Variants in WDR72 observed in about 807,000 individuals in gnomAD.
WDR72 encodes the protein WD repeat domain 72.
In WDR72, 120 loss-of-function variants were observed where a neutral mutation model predicts 124.2. The observed-to-expected ratio is 0.97, with a 90% CI of 0.83 to 1.12. The LOEUF (loss-of-function observed/expected upper bound fraction) is 1.12. Among genes scored for constraint, WDR72 ranks in the 50% most tolerant of loss-of-function variants. The pLI, the probability that WDR72 is intolerant of heterozygous loss-of-function variation, is 0.00. For synonymous variants in WDR72, 452 were observed against 441.7 expected (o/e 1.02, Z -0.29); for missense variants, 1,387 against 1,278.8 (o/e 1.08, Z -1.29).
chr15:53,531,735 A>C (rs1272800308), intron 18 of WDR72, among the ~76,000 whole-genome samples: 1 of 151,720 alleles, frequency 6.6e-6, no homozygotes, highest in East Asian at 2.0e-4. Flanking sequence ...TAGGTTCCAT[A>C]CAAAAGAGAT....
chr15:53,648,015 T>C (rs512563), intron 14 of WDR72, among the ~76,000 whole-genome samples: 52,186 of 151,814 alleles, frequency 0.34, 9,856 homozygotes, highest in East Asian at 0.53. Flanking sequence ...TTATACTTTC[T>C]CTGGAAACTA....
At chr15:53,612,821 G>C (rs1223302733) in intron 16 of WDR72, among the ~76,000 whole-genome samples, 1 of 151,948 alleles carries the variant, frequency 6.6e-6, no homozygotes, top group Non-Finnish European at 1.5e-5. Context: ...GAGTGCAGGA[G>C]TCAAGAATAG....
At chr15:53,691,600 T>C (rs867175637) in intron 13 of WDR72, among the ~76,000 whole-genome samples, 1 of 137,376 alleles carries the variant, frequency 7.3e-6, no homozygotes, top group African/African-American at 2.8e-5. Context: ...TGTAAAATGA[T>C]AGACAGACAG....
intron 18 of WDR72, among the ~76,000 whole-genome samples, chr15:53,557,681 C>T (rs1893981836): frequency 6.6e-6 from 1 of 151,862 alleles, no homozygotes; most frequent in South Asian, 2.1e-4. Context: ...AAGTGACCAC[C>T]GACCATCCTG....
intron 18 of WDR72, among the ~76,000 whole-genome samples, chr15:53,533,592 C>A (rs984232287): frequency 6.6e-6 from 1 of 152,198 alleles, no homozygotes; most frequent in South Asian, 2.1e-4. Context: ...ATTTCACAGC[C>A]TTTTGCAATA....
At chr15:53,548,577 A>G (rs981875019) in intron 18 of WDR72, among the ~76,000 whole-genome samples, 1 of 152,222 alleles carries the variant, frequency 6.6e-6, no homozygotes, top group African/African-American at 2.4e-5. Flanking sequence ...GTGAGGTTAA[A>G]AAGTAAAAGC....
At chr15:53,726,264 G>GTATATATATA (rs34367324) in intron 2 of WDR72, among the ~76,000 whole-genome samples, 13 of 110,358 alleles carry the variant, frequency 1.2e-4, no homozygotes, top group African/African-American at 3.6e-4. Context: ...ATGTATGTGT[G>GTATATATATA]TATATATATA....
rs146872406 is a variant in WDR72, at chr15:53,568,853, C to A, written c.3148+28226G>T. ...TAAACATACATTATAAGTATATATACCTTGAACACATCATTGATACATACA... is the reference window on the plus strand; with the variant it reads ...TAAACATACATTATAAGTATATATAACTTGAACACATCATTGATACATACA... On this transcript the variant is annotated intron_variant, in intron 18 of 19. Transcript: ENST00000360509. 5.9e-4 allele frequency among the ~76,000 whole-genome samples: 89 copies of A among 151,996 alleles called. No individual in the cohort carries two copies. In the East Asian group the frequency reaches 0.016, roughly 27 times the overall value.
chr15:53,517,711 G>A lies in WDR72; in HGVS notation c.3297C>T (p.Cys1099=), dbSNP rs141490508. 1.9e-6 allele frequency: 3 copies of A among 1,612,788 alleles called. No homozygotes were observed. Among genetic ancestry groups the A allele is most frequent in the Non-Finnish European group, 2.5e-6 (3 of 1,179,196 alleles). ...HHSWIAKVCP[C]KVS ...GATGAGATTCCATTTAAGACACCTT[G>A]CAGGGGCAGACCTTTGCTATCCATG... Residue 1099 remains cysteine, a synonymous_variant, in exon 20 of 20, where the codon TGC becomes TGT. Transcript: ENST00000360509.
intron 18 of WDR72, among the ~76,000 whole-genome samples, chr15:53,571,885 T>C (rs1894541994): frequency 6.6e-6 from 1 of 152,140 alleles, no homozygotes; most frequent in Admixed American, 6.6e-5. Flanking sequence ...CCAACACTTA[T>C]CTTTCATCTT....
intron 18 of WDR72, among the ~76,000 whole-genome samples, chr15:53,562,207 C>T (rs536593324): frequency 6.6e-6 from 1 of 151,814 alleles, no homozygotes; most frequent in African/African-American, 2.4e-5. Flanking sequence ...GAACTTAAAA[C>T]CAGTTATTTT....
chr15:53,753,890 C>T (rs1161672150), intron 1 of WDR72, among the ~76,000 whole-genome samples: 1 of 152,138 alleles, frequency 6.6e-6, no homozygotes, highest in Admixed American at 6.5e-5. Context: ...CTAGGTAAAT[C>T]TAAATCCCCT....
intron 18 of WDR72, among the ~76,000 whole-genome samples, chr15:53,572,139 G>A (rs1430115917): frequency 6.6e-6 from 1 of 152,014 alleles, no homozygotes; most frequent in East Asian, 1.9e-4. Context: ...TGTATAATTT[G>A]CAAATATTTT....
chr15:53,748,721 T>A (rs2018703718), intron 1 of WDR72, among the ~76,000 whole-genome samples: 1 of 152,162 alleles, frequency 6.6e-6, no homozygotes, highest in Non-Finnish European at 1.5e-5. Context: ...TTTTCTTATT[T>A]TTAAGATTAT....
chr15:53,712,932 A>C, intron 6 of WDR72, 41 bp from the exon 7 acceptor site: 1 of 1,609,378 alleles, frequency 6.2e-7, no homozygotes, highest in Non-Finnish European at 8.5e-7. Flanking sequence ...AGTTCCAGGT[A>C]ATTCATACAC....
chr15:53,621,810 A>G (rs1595799782), intron 14 of WDR72, among the ~76,000 whole-genome samples: 1 of 152,214 alleles, frequency 6.6e-6, no homozygotes, highest in South Asian at 2.1e-4. Context: ...TTTTAAAAAA[A>G]GAAACTATCA....
chr15:53,614,182 T>C (rs755860153), intron 15 of WDR72, among the ~76,000 whole-genome samples: 1 of 152,114 alleles, frequency 6.6e-6, no homozygotes, highest in Non-Finnish European at 1.5e-5. Flanking sequence ...CCTAGGCCAG[T>C]GTTCTAATCA....
intron 13 of WDR72, among the ~76,000 whole-genome samples, chr15:53,674,525 A>C (rs185288963): frequency 3.6e-4 from 55 of 152,266 alleles, no homozygotes; most frequent in African/African-American, 1.1e-3. Flanking sequence ...GGGGCCCTGG[A>C]GGTATCAAAT....
In WDR72 at chr15:53,514,622, T is replaced by C. The variant is rs988544331; in HGVS notation, c.*3077A>G. On this transcript the variant is annotated 3_prime_UTR_variant, in exon 20 of 20. Transcript: ENST00000360509. Reference sequence around the variant, plus strand: ...AAACTGTATTCTACCATTTTTCTAATACCATCATGTTCAAAGCAGCCTTAA... The same window carrying C: ...AAACTGTATTCTACCATTTTTCTAACACCATCATGTTCAAAGCAGCCTTAA... The C allele has an allele frequency of 6.6e-6, 1 of 152,186 alleles. No homozygotes were observed. The highest frequency in any genetic ancestry group is 6.5e-5 in the Admixed American group (1 of 15,280). 9.4% of individuals were successfully genotyped at this position (152,186 alleles called of 1,614,324 possible).
Sources: gnomAD v4.1 joint callset for allele counts (sites outside exome capture counted in the v4.1 genomes callset) on GRCh38, gnomAD v4.1.1 for gene constraint, MANE v1.5 for transcripts, NCBI Gene and HGNC (gene_info 2026-07-23, HGNC 2026-07-21) for gene names.